The following SOX6 variants were observed in gnomAD, a reference collection of about 807,000 sequenced individuals.
SOX6 encodes SRY-box transcription factor 6, also known as transcription factor SOX-6.
Under a neutral mutation model 97.8 loss-of-function variants are expected in SOX6, and 11 were observed. That is an observed-to-expected ratio of 0.11 (90% CI 0.07 to 0.19). SOX6 has a LOEUF of 0.19. Among genes scored for constraint, SOX6 ranks in the 10% least tolerant of loss-of-function variants. The pLI, the probability that SOX6 is intolerant of heterozygous loss-of-function variation, is 1.00. For missense variants in SOX6, 810 were observed against 1,039.5 expected (o/e 0.78, Z 3.04); for synonymous variants, 360 against 371.4 (o/e 0.97, Z 0.35).
intron 3 of SOX6, among the ~76,000 whole-genome samples, chr11:16,627,639 G>A (rs1388247785): frequency 1.3e-5 from 2 of 152,076 alleles, no homozygotes; most frequent in Non-Finnish European, 2.9e-5. Flanking sequence ...ATTTTTAAGG[G>A]GGTTATTTGT....
Position 16,067,190 on chromosome 11 carries a change from C to A in SOX6, c.1102-11289G>T, listed in dbSNP as rs149515141. ...AATGAGTTAAGACTTTGGGAGACTG[C>A]TGGAAAGGCATGATTGTGTTTTGAA... On this transcript the variant is annotated intron_variant, in intron 9 of 15. Coordinates refer to ENST00000683767, the MANE Select transcript of SOX6 (RefSeq NM_001367873.1). 4.9e-3 allele frequency among the ~76,000 whole-genome samples: 749 copies of A among 152,210 alleles called. 4 individuals are homozygous for A. Among genetic ancestry groups the A allele is most frequent in the African/African-American group, 0.017 (719 of 41,530 alleles).
chr11:16,093,700 G>GTT (rs552319427), intron 9 of SOX6, among the ~76,000 whole-genome samples: 165 of 152,038 alleles, frequency 1.1e-3, no homozygotes, highest in Non-Finnish European at 2.0e-3. Flanking sequence ...AGTAGCAATA[G>GTT]TTTATCATGA....
intron 3 of SOX6, among the ~76,000 whole-genome samples, chr11:16,640,078 C>T (rs1044821279): frequency 3.2e-4 from 48 of 152,178 alleles, no homozygotes; most frequent in Non-Finnish European, 5.4e-4. Flanking sequence ...TTTTGAGATA[C>T]GTCCCATCAA....
intron 1 of SOX6, among the ~76,000 whole-genome samples, chr11:16,370,452 T>C (rs1857471164): frequency 6.6e-6 from 1 of 152,124 alleles, no homozygotes. Flanking sequence ...ATTTATATAA[T>C]TCAGATTTGT....
At chr11:15,974,154 C>T (rs1853394733) in intron 15 of SOX6, among the ~76,000 whole-genome samples, 1 of 152,006 alleles carries the variant, frequency 6.6e-6, no homozygotes, top group Admixed American at 6.6e-5. Context: ...GCCTTTGTTT[C>T]TACATATTTA....
chr11:16,001,271 C>T (rs147440374), intron 13 of SOX6, among the ~76,000 whole-genome samples: 169 of 152,312 alleles, frequency 1.1e-3, no homozygotes, highest in African/African-American at 3.8e-3. Flanking sequence ...GGAACACCAG[C>T]TGTGCTAAGT....
At chr11:16,131,359 C>T (rs917715437) in intron 6 of SOX6, among the ~76,000 whole-genome samples, 1 of 151,902 alleles carries the variant, frequency 6.6e-6, no homozygotes, top group African/African-American at 2.4e-5. Context: ...GGATGCTCAA[C>T]ATCACCCATC....
chr11:16,238,436 G>A (rs950288199), intron 3 of SOX6, among the ~76,000 whole-genome samples: 16 of 151,984 alleles, frequency 1.1e-4, no homozygotes, highest in Non-Finnish European at 7.4e-5. Context: ...CTTTATCACA[G>A]CTGAGTAATG....
chr11:16,695,410 TATAAC>T (rs1182121693), intron 3 of SOX6, among the ~76,000 whole-genome samples: 5 of 152,288 alleles, frequency 3.3e-5, no homozygotes, highest in African/African-American at 1.2e-4. Flanking sequence ...GTAAGCATAA[TATAAC>T]AGAATAAAAT....
chr11:16,400,492 C>T (rs1052606968), intron 1 of SOX6, among the ~76,000 whole-genome samples: 2 of 151,222 alleles, frequency 1.3e-5, no homozygotes, highest in African/African-American at 2.4e-5. Context: ...ACTATAATAG[C>T]GAAAAGCTAT....
At chr11:16,484,064 C>A in intron 4 of SOX6, 1 of 773,852 alleles carries the variant, frequency 1.3e-6, no homozygotes, top group South Asian at 1.3e-5. Context: ...TGTAGGCAGT[C>A]ACCACAATGC....
intron 1 of SOX6, among the ~76,000 whole-genome samples, chr11:16,375,919 A>G (rs563197995): frequency 6.6e-6 from 1 of 152,272 alleles, no homozygotes; most frequent in South Asian, 2.1e-4. Flanking sequence ...ATTCTCAGCA[A>G]ACACAGGGAC....
At chr11:16,274,232 G>T (rs1854333353) in intron 3 of SOX6, among the ~76,000 whole-genome samples, 3 of 151,954 alleles carry the variant, frequency 2.0e-5, no homozygotes, top group African/African-American at 7.2e-5. Flanking sequence ...ACATTGATTT[G>T]GGATTCAGCA....
intron 4 of SOX6, among the ~76,000 whole-genome samples, chr11:16,194,444 C>A (rs1388162379): frequency 1.3e-5 from 2 of 152,162 alleles, no homozygotes; most frequent in Non-Finnish European, 2.9e-5. Flanking sequence ...ATAAATGCAG[C>A]AATTGTGCTC....
At chr11:16,158,444 C>T (rs936218943) in intron 6 of SOX6, among the ~76,000 whole-genome samples, 1 of 151,924 alleles carries the variant, frequency 6.6e-6, no homozygotes, top group Non-Finnish European at 1.5e-5. Flanking sequence ...ATTTCTTTTC[C>T]CACATCTCCC....
intron 4 of SOX6, among the ~76,000 whole-genome samples, chr11:16,609,243 C>A (rs1249588975): frequency 1.3e-5 from 2 of 152,170 alleles, no homozygotes; most frequent in African/African-American, 4.8e-5. Context: ...GTGAGGTTGG[C>A]CTGCCTTAAC....
At chr11:16,216,474 C>G (rs1477264961) in intron 4 of SOX6, among the ~76,000 whole-genome samples, 1 of 151,994 alleles carries the variant, frequency 6.6e-6, no homozygotes. Context: ...TAGTGTCAAC[C>G]ACAATAAGAA....
At chr11:16,468,556 G>C (rs1017817360) in intron 1 of SOX6, among the ~76,000 whole-genome samples, 8 of 152,028 alleles carry the variant, frequency 5.3e-5, no homozygotes, top group African/African-American at 1.9e-4. Flanking sequence ...TATGAGTTCT[G>C]CTTCTTTAAT....
chr11:16,624,536 G>A (rs1565196451), intron 3 of SOX6, among the ~76,000 whole-genome samples: 1 of 152,082 alleles, frequency 6.6e-6, no homozygotes, highest in Non-Finnish European at 1.5e-5. Context: ...TTATCAGCCT[G>A]CATTGATGAA....
Sources: gnomAD v4.1 joint callset for allele counts (sites outside exome capture counted in the v4.1 genomes callset) on GRCh38, gnomAD v4.1.1 for gene constraint, MANE v1.5 for transcripts, NCBI Gene and HGNC (gene_info 2026-07-23, HGNC 2026-07-21) for gene names.